LOXHD1: variants seen among roughly 807,000 people sequenced by gnomAD.
LOXHD1 encodes the protein lipoxygenase homology PLAT domains 1.
LOXHD1 carries 205 observed loss-of-function variants against 248.2 expected under a neutral mutation model. The observed-to-expected ratio is 0.83, with a 90% CI of 0.74 to 0.93. The LOEUF is 0.93. Ranked by LOEUF, LOXHD1 falls within the 40% of genes least tolerant of loss-of-function variation. The pLI is 0.00. For synonymous variants in LOXHD1, 1,113 were observed against 1,162.8 expected (o/e 0.96, Z 0.87); for missense variants, 2,930 against 2,971.6 (o/e 0.99, Z 0.33).
At chr18:46,559,634 C>T (rs574404409) in intron 19 of LOXHD1, 32 bp from the exon 20 acceptor site, 2 of 1,548,418 alleles carry the variant, frequency 1.3e-6, no homozygotes, top group African/African-American at 2.7e-5. Flanking sequence ...GTGTGGAGGG[C>T]CTCATGGCCA....
chr18:46,530,045 T>C (rs1423295347), intron 28 of LOXHD1, among the ~76,000 whole-genome samples: 1 of 152,200 alleles, frequency 6.6e-6, no homozygotes, highest in Non-Finnish European at 1.5e-5. Context: ...AAATAAAACA[T>C]CTCCTTTCCT....
intron 4 of LOXHD1, among the ~76,000 whole-genome samples, chr18:46,631,402 C>T (rs2038820255): frequency 6.6e-6 from 1 of 152,172 alleles, no homozygotes; most frequent in African/African-American, 2.4e-5. Context: ...GAAGGTCCTC[C>T]TCCCTGCCCG....
At chr18:46,566,550 G>A (rs567336703) in intron 16 of LOXHD1, 101 bp from the exon 17 acceptor site, 1 of 1,017,648 alleles carries the variant, frequency 9.8e-7, no homozygotes. Context: ...CACAACCCAG[G>A]TCTCCAGTCC....
intron 12 of LOXHD1, among the ~76,000 whole-genome samples, chr18:46,589,057 T>C (rs980813465): frequency 2.0e-4 from 30 of 152,168 alleles, no homozygotes; most frequent in Non-Finnish European, 4.4e-5. Context: ...TGGGTGAGTG[T>C]TGGAGGCTGA....
At chr18:46,559,627 T>A in intron 19 of LOXHD1, 25 bp from the exon 20 acceptor site, 1 of 1,549,786 alleles carries the variant, frequency 6.5e-7, no homozygotes, top group Non-Finnish European at 8.7e-7. Flanking sequence ...AGATGCAGTG[T>A]GGAGGGCCTC....
intron 4 of LOXHD1, among the ~76,000 whole-genome samples, chr18:46,619,208 T>C (rs903516513): frequency 2.0e-5 from 3 of 152,220 alleles, no homozygotes; most frequent in Non-Finnish European, 4.4e-5. Context: ...ATATTTTTTA[T>C]GTAGCAGAAT....
rs2033093715 is a variant in LOXHD1, at chr18:46,486,881, C to G, written c.6050-1730G>C. ...TTAGGTAGATTAGAAACACATGTTG[C>G]TAGTCACATCTGTGGTCTTTTGAGA... On this transcript the variant is annotated intron_variant, in intron 38 of 40. Coordinates refer to ENST00000642948, the MANE Select transcript of LOXHD1 (RefSeq NM_001384474.1). Among the ~76,000 whole-genome samples, 2 of 152,192 alleles carry G rather than the reference C, an allele frequency of 1.3e-5. 1 individual carries two copies. Among genetic ancestry groups the G allele is most frequent in the African/African-American group, 4.8e-5 (2 of 41,454 alleles).
Position 46,614,282 on chromosome 18 carries a change from C to T in LOXHD1, c.611-3358G>A, listed in dbSNP as rs538459890. Among the ~76,000 whole-genome samples, 247 of 152,212 alleles carry T rather than the reference C, an allele frequency of 1.6e-3. 1 individual carries two copies. Among genetic ancestry groups the T allele is most frequent in the African/African-American group, 5.5e-3 (227 of 41,530 alleles). On this transcript the variant is annotated intron_variant, in intron 5 of 40. Coordinates refer to ENST00000642948, the MANE Select transcript of LOXHD1 (RefSeq NM_001384474.1). ...GACACATGCACATGTATGTTTATTG[C>T]GGCACTATTCACAATAGCAAAGACT...
At chr18:46,581,318 G>C (rs2037957333) in intron 12 of LOXHD1, among the ~76,000 whole-genome samples, 1 of 152,156 alleles carries the variant, frequency 6.6e-6, no homozygotes, top group South Asian at 2.1e-4. Context: ...GGATCAGATA[G>C]GTAACTGCAG....
intron 33 of LOXHD1, chr18:46,520,610 G>T (rs1401565384): frequency 3.5e-6 from 1 of 283,262 alleles, no homozygotes; most frequent in Admixed American, 5.0e-5. Flanking sequence ...GTTAAGGAGG[G>T]TATTGTGTGG....
intron 5 of LOXHD1, among the ~76,000 whole-genome samples, chr18:46,614,287 C>A (rs2038551100): frequency 1.3e-5 from 2 of 152,132 alleles, no homozygotes; most frequent in Admixed American, 1.3e-4. Flanking sequence ...TATTGCGGCA[C>A]TATTCACAAT....
intron 21 of LOXHD1, among the ~76,000 whole-genome samples, chr18:46,553,920 C>T (rs2037211212): frequency 6.6e-6 from 1 of 152,102 alleles, no homozygotes; most frequent in African/African-American, 2.4e-5. Flanking sequence ...GAGGTGGGAC[C>T]ATGTCTGTTG....
chr18:46,645,706 C>A (rs2039020653), intron 2 of LOXHD1, among the ~76,000 whole-genome samples: 1 of 151,576 alleles, frequency 6.6e-6, no homozygotes, highest in African/African-American at 2.4e-5. Flanking sequence ...CACCAGACCA[C>A]AAAGGCAAAG....
At chr18:46,561,713 A>G (rs1484935716) in intron 18 of LOXHD1, among the ~76,000 whole-genome samples, 1 of 151,912 alleles carries the variant, frequency 6.6e-6, no homozygotes, top group South Asian at 2.1e-4. Context: ...TCAACAAACC[A>G]CCTTTGCCAG....
At position 46,538,211 on chromosome 18, in the gene LOXHD1, T is replaced by C; in HGVS notation, c.4040A>G (p.Lys1347Arg). 1 of 1,543,886 alleles carries C rather than the reference T, an allele frequency of 6.5e-7. No individual in the cohort carries two copies. Among genetic ancestry groups the C allele is most frequent in the Non-Finnish European group, 8.8e-7 (1 of 1,140,314 alleles). Residue 1347 changes from lysine (K) to arginine (R), a missense_variant, in exon 26 of 41, where the codon AAG becomes AGG. Physicochemically the swap from Lys to Arg is conservative, Grantham distance 26 (BLOSUM62 2). Coordinates refer to ENST00000642948, the MANE Select transcript of LOXHD1 (RefSeq NM_001384474.1). ...CTCAAAGAACTGCTTCTGTTCCCTC[T>C]TGTTGGTACACAGATACTTCTGCTG... ...CTQQKYLCTN[K>R]REQKQFFERK...
intron 28 of LOXHD1, among the ~76,000 whole-genome samples, chr18:46,532,389 G>A (rs1236010021): frequency 1.3e-5 from 2 of 152,220 alleles, no homozygotes; most frequent in African/African-American, 4.8e-5. Context: ...TGGGAAAAGT[G>A]TGCGTGTGTG....
chr18:46,545,653 G>A (rs1265086307), intron 22 of LOXHD1, among the ~76,000 whole-genome samples: 2 of 52,906 alleles, frequency 3.8e-5, no homozygotes, highest in African/African-American at 1.1e-4. Context: ...TTTTTGAGAC[G>A]GAGTCTCGCT....
At chr18:46,614,576 T>C (rs1446918652) in intron 5 of LOXHD1, among the ~76,000 whole-genome samples, 2 of 151,972 alleles carry the variant, frequency 1.3e-5, no homozygotes, top group African/African-American at 4.8e-5. Flanking sequence ...TCATGGGATG[T>C]TGGGAGTGGG....
intron 38 of LOXHD1, among the ~76,000 whole-genome samples, chr18:46,486,368 G>T (rs1232079244): frequency 6.6e-6 from 1 of 152,128 alleles, no homozygotes; most frequent in Admixed American, 6.5e-5. Context: ...ACCACTCCCA[G>T]CCCCTCAGCC....
Sources: gnomAD v4.1 joint callset for allele counts (sites outside exome capture counted in the v4.1 genomes callset) on GRCh38, gnomAD v4.1.1 for gene constraint, MANE v1.5 for transcripts, NCBI Gene and HGNC (gene_info 2026-07-23, HGNC 2026-07-21) for gene names.